PDE1A: variants seen among roughly 807,000 people sequenced by gnomAD.
PDE1A encodes the protein phosphodiesterase 1A.
A neutral mutation model predicts 61.7 loss-of-function variants in PDE1A; 35 were observed. The observed-to-expected ratio is 0.57, with a 90% confidence interval of 0.43 to 0.75. The LOEUF is 0.75. Ranked by LOEUF, PDE1A falls within the 30% of genes least tolerant of loss-of-function variation. PDE1A has a pLI of 0.00. For missense variants in PDE1A, 597 were observed against 630.6 expected (o/e 0.95, Z 0.57); for synonymous variants, 232 against 213.2 (o/e 1.09, Z -0.77).
the PDE1A span, among the ~76,000 whole-genome samples, chr2:182,537,727 A>C: frequency 1.3e-5 from 2 of 152,120 alleles, no homozygotes; most frequent in Non-Finnish European, 2.9e-5. Context: ...CAGAGGGAGC[A>C]GCAAATAAAA....
chr2:182,622,998 TAAATGGCACTCAAC>T, the PDE1A span, among the ~76,000 whole-genome samples: 1 of 152,162 alleles, frequency 6.6e-6, no homozygotes, highest in East Asian at 1.9e-4. Flanking sequence ...TAATTAACAA[TAAATGGCACTCAAC>T]AACATTATTA....
chr2:182,670,596 T>G, the PDE1A span, among the ~76,000 whole-genome samples: 1 of 152,194 alleles, frequency 6.6e-6, no homozygotes, highest in Non-Finnish European at 1.5e-5. Flanking sequence ...CCAATTGAAT[T>G]AAAATCTCTA....
downstream of PDE1A, among the ~76,000 whole-genome samples, chr2:182,145,759 T>C (rs111792614): frequency 5.3e-4 from 80 of 152,000 alleles, no homozygotes; most frequent in African/African-American, 1.9e-3. Flanking sequence ...TGCAAAAAGG[T>C]ACTTCATATA....
rs147267449 is a variant in PDE1A at position 182,238,215 on chromosome 2, G to C, written c.350+1895C>G. On this transcript the variant is annotated intron_variant, in intron 3 of 13. Coordinates refer to ENST00000351439, the Ensembl canonical transcript of PDE1A. ...ACCCGGGAGGCGGAGCTTGCAGGGAGCCGAGATCGCGCCACTGCACCCCAA... is the reference window on the plus strand; with the variant it reads ...ACCCGGGAGGCGGAGCTTGCAGGGACCCGAGATCGCGCCACTGCACCCCAA... 9.1e-3 allele frequency among the ~76,000 whole-genome samples: 1,309 copies of C among 143,912 alleles called. 11 individuals are homozygous for C. The highest frequency in any genetic ancestry group is 0.011 in the Non-Finnish European group (752 of 67,050). 94.4% of individuals were successfully genotyped at this position (143,912 alleles called of 152,430 possible). A position where few individuals can be genotyped will look rare whatever the true frequency, so the allele number is the denominator to read the frequency against.
upstream of PDE1A, among the ~76,000 whole-genome samples, chr2:182,527,541 G>C (rs1174245134): frequency 6.7e-6 from 1 of 150,226 alleles, no homozygotes; most frequent in Non-Finnish European, 1.5e-5. Flanking sequence ...ATGGGTGACA[G>C]AGAGACCCCA....
chr2:182,569,254 A>AATATATATATATATATATATAT, the PDE1A span, among the ~76,000 whole-genome samples: 1,573 of 138,102 alleles, frequency 0.011, 23 homozygotes, highest in Non-Finnish European at 0.018. Flanking sequence ...ACCTGTCTCA[A>AATATATATATATATATATATAT]ATATATATAT....
At chr2:182,372,235 C>T (rs997853469) in intron 1 of PDE1A, among the ~76,000 whole-genome samples, 2 of 152,152 alleles carry the variant, frequency 1.3e-5, no homozygotes, top group African/African-American at 4.8e-5. Flanking sequence ...TTATACAACT[C>T]ATCTACTGCA....
At chr2:182,503,004 T>G (rs867344297) in intron 2 of PDE1A, among the ~76,000 whole-genome samples, 1 of 151,412 alleles carries the variant, frequency 6.6e-6, no homozygotes, top group Non-Finnish European at 1.5e-5. Flanking sequence ...AGGTTCTCTC[T>G]TTCTCTCTCT....
upstream of PDE1A, among the ~76,000 whole-genome samples, chr2:182,428,013 G>T (rs901484093): frequency 6.6e-6 from 1 of 152,134 alleles, no homozygotes; most frequent in African/African-American, 2.4e-5. Flanking sequence ...ATACTTCCAG[G>T]GAGAAAGATC....
At chr2:182,604,839 T>C in the PDE1A span, among the ~76,000 whole-genome samples, 1 of 152,196 alleles carries the variant, frequency 6.6e-6, no homozygotes, top group Non-Finnish European at 1.5e-5. Context: ...ACTCTTTTTT[T>C]AACTCATAAA....
chr2:182,293,442 T>A (rs1394843202), intron 1 of PDE1A, among the ~76,000 whole-genome samples: 3 of 152,168 alleles, frequency 2.0e-5, no homozygotes, highest in African/African-American at 7.2e-5. Context: ...TCTATATTTT[T>A]TTCCTCTCAC....
chr2:182,470,220 T>G lies in PDE1A; in HGVS notation c.101+52056A>C, dbSNP rs188216162. Among the ~76,000 whole-genome samples the G allele has an allele frequency of 3.9e-4, 60 of 151,940 alleles. No homozygotes were observed. In the Middle Eastern group the frequency reaches 0.01, roughly 26 times the overall value. On this transcript the variant is annotated intron_variant, in intron 2 of 14. Transcript: ENST00000410103. ...ATGAAATGAGGTGTTTATAGAATCATTTCAGTAAATTTAGTGAAAGAATTT... is the reference window on the plus strand; with the variant it reads ...ATGAAATGAGGTGTTTATAGAATCAGTTCAGTAAATTTAGTGAAAGAATTT...
At chr2:182,539,157 T>TA in the PDE1A span, among the ~76,000 whole-genome samples, 1 of 152,288 alleles carries the variant, frequency 6.6e-6, no homozygotes, top group East Asian at 1.9e-4. Flanking sequence ...CTTCCTGACT[T>TA]AGAGTCAGGT....
At chr2:182,599,223 C>T in the PDE1A span, among the ~76,000 whole-genome samples, 1 of 152,192 alleles carries the variant, frequency 6.6e-6, no homozygotes. Context: ...TGGGTGCCTG[C>T]TCCCATGACT....
intron 1 of PDE1A, among the ~76,000 whole-genome samples, chr2:182,390,574 C>T (rs1427922197): frequency 6.6e-6 from 1 of 152,158 alleles, no homozygotes; most frequent in Non-Finnish European, 1.5e-5. Context: ...AGCCTCAAAA[C>T]TTCTAAGACT....
intron 13 of PDE1A, among the ~76,000 whole-genome samples, chr2:182,183,779 T>C (rs998544128): frequency 3.3e-5 from 5 of 151,252 alleles, no homozygotes; most frequent in Non-Finnish European, 7.4e-5. Context: ...TAACAATGAA[T>C]GAAAATATAA....
At chr2:182,529,330 C>T in the PDE1A span, among the ~76,000 whole-genome samples, 10 of 152,264 alleles carry the variant, frequency 6.6e-5, no homozygotes, top group East Asian at 5.8e-4. Context: ...CACTGGATTT[C>T]GAACTTGATA....
chr2:182,422,674 A>ATT (rs1253478978), intron 1 of PDE1A, among the ~76,000 whole-genome samples: 1 of 152,200 alleles, frequency 6.6e-6, no homozygotes, highest in East Asian at 1.9e-4. Flanking sequence ...ATGTTACATC[A>ATT]TTTAATATTA....
the PDE1A span, among the ~76,000 whole-genome samples, chr2:182,636,117 G>A: frequency 4.0e-5 from 6 of 151,604 alleles, no homozygotes; most frequent in Admixed American, 6.6e-5. Context: ...CACCGTGCCC[G>A]GCTAATTTTT....
Sources: allele counts gnomAD v4.1 joint callset (sites outside exome capture counted in the v4.1 genomes callset), GRCh38; gene constraint gnomAD v4.1.1; transcripts MANE v1.5; gene names NCBI Gene and HGNC (gene_info 2026-07-23, HGNC 2026-07-21).